ZNF729: variants seen among roughly 807,000 people sequenced by gnomAD.
The protein encoded by ZNF729 is zinc finger protein 729.
A neutral mutation model predicts 12.2 loss-of-function variants in ZNF729; 15 were observed. The observed-to-expected ratio is 1.23, with a 90% confidence interval of 0.82 to 1.89. The LOEUF (loss-of-function observed/expected upper bound fraction) is 1.89, where lower values mean the gene tolerates loss of function less well. ZNF729 is among the 40% of genes most tolerant of loss of function. The probability of loss-of-function intolerance (pLI) is 0.00; values close to 1 mark genes in which losing one functional copy is unlikely to be tolerated. For missense variants in ZNF729, 1,540 were observed against 1,456.7 expected, an observed-to-expected ratio of 1.06 and a Z score of -0.93; for synonymous variants, 492 against 476.3, an observed-to-expected ratio of 1.03 and a Z score of -0.43.
chr19:22,314,122 T>A lies in ZNF729; in HGVS notation c.705T>A (p.Pro235=). 6.4e-7 allele frequency: 1 copy of A among 1,551,682 alleles called. No individual in the cohort carries two copies. The highest frequency in any genetic ancestry group is 8.7e-7 in the Non-Finnish European group (1 of 1,149,276). ...AGATAATTCATACTGAAGACAAACC[T>A]TACAAATATAAGAAATGTGGCAATG... is the stretch of plus-strand genomic sequence containing the variant. ...KHKIIHTEDK[P]YKYKKCGNAF... Residue 235 remains proline, a synonymous_variant, in exon 4 of 4, where the codon CCT becomes CCA. Coordinates refer to ENST00000601693, the MANE Select transcript of ZNF729 (RefSeq NM_001242680.2).
chr19:22,312,747 C>CT (rs1226499830), intron 3 of ZNF729, among the ~76,000 whole-genome samples: 1 of 152,114 alleles, frequency 6.6e-6, no homozygotes, highest in Non-Finnish European at 1.5e-5. Context: ...GAGTTTCACT[C>CT]TTTTTGCCCA....
chr19:22,303,975 C>A, intron 2 of ZNF729, 91 bp downstream of exon 2: 1 of 1,272,450 alleles, frequency 7.9e-7, no homozygotes, highest in Non-Finnish European at 1.0e-6. Context: ...TTTATGCTTA[C>A]TATAAATGAG....
chr19:22,293,746 G>A (rs1968187413), intron 1 of ZNF729, among the ~76,000 whole-genome samples: 2 of 152,152 alleles, frequency 1.3e-5, no homozygotes, highest in South Asian at 2.1e-4. Flanking sequence ...CACCTGTCTT[G>A]GCCTCTGAGA....
chr19:22,312,460 G>C (rs963081386), intron 3 of ZNF729, among the ~76,000 whole-genome samples: 17 of 151,728 alleles, frequency 1.1e-4, no homozygotes, highest in African/African-American at 3.9e-4. Context: ...GTGTGTGTGT[G>C]TGTGTGTGTG....
At position 22,316,530 on chromosome 19, in the gene ZNF729, A is replaced by G; in HGVS notation, c.3113A>G (p.His1038Arg). The G allele has an allele frequency of 6.2e-7, 1 of 1,613,768 alleles. No homozygotes were observed. Among genetic ancestry groups the G allele is most frequent in the Non-Finnish European group, 8.5e-7 (1 of 1,179,782 alleles). ...AACAATTTCTCAGCCCTTATGAAAC[A>G]TAAGATAATTCATACTGGGGAGAAA... is the stretch of plus-strand genomic sequence containing the variant. ...AFNNFSALMK[H>R]KIIHTGEKPY... The change falls in exon 4 of 4, where the codon CAT becomes CGT. Residue 1038 changes from histidine (H) to arginine (R), a missense_variant. Physicochemically the swap from His to Arg is conservative, Grantham distance 29. Transcript: ENST00000601693.
At chr19:22,313,567 C>G in intron 3 of ZNF729, 104 bp from the exon 4 acceptor site, 3 of 1,015,698 alleles carry the variant, frequency 3.0e-6, no homozygotes, top group Non-Finnish European at 4.0e-6. Flanking sequence ...TCTTATTTTG[C>G]TGTGCCATCT....
rs113526366 is a variant in ZNF729 at position 22,291,010 on chromosome 19, A to G, written c.30+4455A>G. Among the ~76,000 whole-genome samples, 728 of 152,246 alleles carry G rather than the reference A, an allele frequency of 4.8e-3. 8 individuals are homozygous for G. Among genetic ancestry groups the G allele is most frequent in the South Asian group, 0.015 (71 of 4,812 alleles). On this transcript the variant is annotated intron_variant, in intron 1 of 3. Transcript: ENST00000601693. The stretch of plus-strand genomic sequence containing the variant: ...CGGTAGCTCAGAAACAGATGGGTCT[A>G]TGGGGTTTGTGACTGGCATCTGCAG...
In ZNF729 at chr19:22,294,657, C is replaced by CTT. The variant is rs71180535; in HGVS notation, c.30+8118_30+8119dup. 1.9e-3 allele frequency among the ~76,000 whole-genome samples: 178 copies of CTT among 92,410 alleles called. 2 individuals carry two copies. The highest frequency in any genetic ancestry group is 3.1e-3 in the Non-Finnish European group (137 of 43,858). 60.6% of individuals were successfully genotyped at this position (92,410 alleles called of 152,430 possible). A position where few individuals can be genotyped will look rare whatever the true frequency, so the allele number is the denominator to read the frequency against. On this transcript the variant is annotated intron_variant, in intron 1 of 3. Transcript: ENST00000601693. ...GGACTTTTTTTTTTTTTTTCTTTTT[C>CTT]TTTTTTTTTTTTTTTTTGAGTCCGA...
chr19:22,297,644 GATAT>G (rs35325085), intron 1 of ZNF729, among the ~76,000 whole-genome samples: 51,815 of 148,286 alleles, frequency 0.35, 14,412 homozygotes, highest in African/African-American at 0.77. Context: ...CTTTGGTGTA[GATAT>G]ATATATATAT....
chr19:22,315,554 A>G lies in ZNF729; in HGVS notation c.2137A>G (p.Lys713Glu). The change falls in exon 4 of 4, where the codon AAA (lysine) becomes GAA (glutamate). Residue 713 changes from lysine to glutamate, a missense_variant. Transcript: ENST00000601693. ...AATTCATACTGGAGAGAAACCCTAC[A>G]AATGTGAAGAATGTGGTAAAGCTTT... ...KIIHTGEKPY[K>E]CEECGKAFKW... 1 of 1,610,916 alleles carries G rather than the reference A, an allele frequency of 6.2e-7. No homozygotes were observed.
intron 3 of ZNF729, among the ~76,000 whole-genome samples, chr19:22,308,537 T>A (rs1321217377): frequency 6.9e-6 from 1 of 144,760 alleles, no homozygotes; most frequent in Non-Finnish European, 1.5e-5. Flanking sequence ...CATCTACTGT[T>A]TTTTTGATTT....
At chr19:22,306,223 G>A (rs1599756777) in intron 3 of ZNF729, among the ~76,000 whole-genome samples, 2 of 151,942 alleles carry the variant, frequency 1.3e-5, no homozygotes, top group South Asian at 2.1e-4. Context: ...GGCAGATCAC[G>A]AGGTCAGGAG....
chr19:22,294,276 G>A (rs1335146732), intron 1 of ZNF729, among the ~76,000 whole-genome samples: 1 of 149,016 alleles, frequency 6.7e-6, no homozygotes, highest in Non-Finnish European at 1.5e-5. Context: ...GTTGGTTATA[G>A]GCGTGTGGCA....
At chr19:22,298,071 A>G (rs1968255461) in intron 1 of ZNF729, among the ~76,000 whole-genome samples, 1 of 151,656 alleles carries the variant, frequency 6.6e-6, no homozygotes, top group Non-Finnish European at 1.5e-5. Flanking sequence ...TTAGCAATAC[A>G]GAATGATAAA....
At chr19:22,286,758 A>T (rs1002665979) in intron 1 of ZNF729, among the ~76,000 whole-genome samples, 1 of 152,092 alleles carries the variant, frequency 6.6e-6, no homozygotes, top group Admixed American at 6.5e-5. Flanking sequence ...TGTCTCCTCC[A>T]TGCGCTGTGA....
At chr19:22,294,266 G>A (rs1332777936) in intron 1 of ZNF729, among the ~76,000 whole-genome samples, 2 of 152,192 alleles carry the variant, frequency 1.3e-5, no homozygotes, top group African/African-American at 4.8e-5. Context: ...TCAAAGATCA[G>A]TTGGTTATAG....
In ZNF729 at chr19:22,316,344, C is replaced by T. The variant is rs750511478; in HGVS notation, c.2927C>T (p.Ser976Phe). 6.2e-7 allele frequency: 1 copy of T among 1,613,362 alleles called. No individual in the cohort carries two copies. The highest frequency in any genetic ancestry group is 8.5e-7 in the Non-Finnish European group (1 of 1,179,684). Reference protein sequence around the residue: ...CAECGKAFKQSSHLTRHKAIH... With the variant: ...CAECGKAFKQFSHLTRHKAIH... Reference sequence around the variant, plus strand: ...GAATGTGGCAAAGCTTTTAAGCAATCCTCACATCTTACTAGACATAAAGCA... The same window carrying T: ...GAATGTGGCAAAGCTTTTAAGCAATTCTCACATCTTACTAGACATAAAGCA... The change falls in exon 4 of 4, where the codon TCC becomes TTC. Residue 976 changes from serine to phenylalanine, a missense_variant. Coordinates refer to ENST00000601693, the MANE Select transcript of ZNF729 (RefSeq NM_001242680.2).
rs1292258790 is a variant in ZNF729, at chr19:22,313,675, G to A, written c.258G>A (p.Met86Ile). ...RHEMVTKPPVMRSHFTQDLWP... is the reference protein window; with the variant it reads ...RHEMVTKPPVIRSHFTQDLWP... ...TGTTATTTTTATTTCTTCTAGTTAT[G>A]CGTTCTCATTTTACACAAGACCTTT... is the stretch of plus-strand genomic sequence containing the variant. The change falls in exon 4 of 4, where the codon ATG becomes ATA. Residue 86 changes from methionine (M) to isoleucine (I), a missense_variant. Met to Ile is a conservative substitution (Grantham distance 10). Coordinates refer to ENST00000601693, the MANE Select transcript of ZNF729 (RefSeq NM_001242680.2). 1 of 1,472,852 alleles carries A rather than the reference G, an allele frequency of 6.8e-7. No individual in the cohort carries two copies. Among genetic ancestry groups the A allele is most frequent in the South Asian group, 1.5e-5 (1 of 67,702 alleles). 91.2% of individuals were successfully genotyped at this position (1,472,852 alleles called of 1,614,324 possible). A position where few individuals can be genotyped will look rare whatever the true frequency, so the allele number is the denominator to read the frequency against.
At chr19:22,288,825 T>A (rs1968114723) in intron 1 of ZNF729, among the ~76,000 whole-genome samples, 1 of 151,764 alleles carries the variant, frequency 6.6e-6, no homozygotes, top group Non-Finnish European at 1.5e-5. Context: ...GAAAAAATAG[T>A]GAAAGAAAAA....
Sources: allele counts gnomAD v4.1 joint callset (sites outside exome capture counted in the v4.1 genomes callset), GRCh38; gene constraint gnomAD v4.1.1; transcripts MANE v1.5; gene names NCBI Gene and HGNC (gene_info 2026-07-23, HGNC 2026-07-21).